XIAP: variants seen among roughly 807,000 people sequenced by gnomAD.
XIAP encodes X-linked inhibitor of apoptosis, also known as E3 ubiquitin-protein ligase XIAP.
XIAP carries 3 observed loss-of-function variants against 33.1 expected under a neutral mutation model. The ratio of observed to expected loss-of-function variants is 0.09; its 90% CI spans 0.04 to 0.23. The LOEUF (loss-of-function observed/expected upper bound fraction) is 0.23, where lower values mean the gene tolerates loss of function less well. Ranked by LOEUF, XIAP falls within the 10% of genes least tolerant of loss-of-function variation. The pLI, the probability that XIAP is intolerant of heterozygous loss-of-function variation, is 1.00. For missense variants in XIAP, 264 were observed against 363.0 expected, an observed-to-expected ratio of 0.73 and a Z score of 2.22; for synonymous variants, 98 against 121.3, an observed-to-expected ratio of 0.81 and a Z score of 1.26.
chrX:123,906,659 C>G (rs1434202550), intron 6 of XIAP, among the ~76,000 whole-genome samples: 1 of 112,199 alleles, frequency 8.9e-6, no homozygotes, highest in Non-Finnish European at 1.9e-5. Flanking sequence ...CCCTCCTCCC[C>G]CGATCCAGCC....
chrX:123,883,285 T>C (rs2053320580), intron 1 of XIAP, among the ~76,000 whole-genome samples: 2 of 110,434 alleles, frequency 1.8e-5, no homozygotes, highest in African/African-American at 3.3e-5. Flanking sequence ...GGTTTCACCA[T>C]GTTGGTCAGG....
chrX:123,872,410 G>A (rs1410373971), intron 1 of XIAP, among the ~76,000 whole-genome samples: 2 of 108,506 alleles, frequency 1.8e-5, no homozygotes, highest in Non-Finnish European at 1.9e-5. Context: ...TAAGTTGGCC[G>A]GGTGTGGTGG....
chrX:123,859,759 C>T (rs1191704479), upstream of XIAP: 2 of 104,779 alleles, frequency 1.9e-5, no homozygotes, highest in East Asian at 4.8e-4. Context: ...CGGTTCCAGC[C>T]GGGCGGGGGG....
rs2053552223 is a variant in XIAP, at chrX:123,905,801, A to G, written c.1301-1187A>G. 4.4e-5 allele frequency among the ~76,000 whole-genome samples: 5 copies of G among 112,445 alleles called. No individual in the cohort carries two copies. The Admixed American group carries it at 4.8e-4, about 11-fold the overall frequency. Reference sequence around the variant, plus strand: ...ATAGTTAAATAGGGAAATGCCTTGTACATTTCTAAGAGGGAACATAGACTA... The same window carrying G: ...ATAGTTAAATAGGGAAATGCCTTGTGCATTTCTAAGAGGGAACATAGACTA... On this transcript the variant is annotated intron_variant, in intron 6 of 6. Transcript: ENST00000371199.
intron 4 of XIAP, 146 bp downstream of exon 4, chrX:123,891,462 T>C (rs1344229207): frequency 3.4e-6 from 1 of 297,246 alleles, no homozygotes; most frequent in East Asian, 5.6e-5. Flanking sequence ...AATATATGTG[T>C]ACATTACATC....
At chrX:123,872,792 T>G (rs1396572186) in intron 1 of XIAP, 1 of 111,648 alleles carries the variant, frequency 9.0e-6, no homozygotes, top group African/African-American at 3.3e-5. Context: ...CAAAAGGCAT[T>G]TGTTTCTGGC....
intron 1 of XIAP, among the ~76,000 whole-genome samples, chrX:123,879,931 A>G (rs900639664): frequency 3.0e-4 from 32 of 106,218 alleles, no homozygotes; most frequent in African/African-American, 9.9e-4. Context: ...TGGCTAACAC[A>G]GTGAAACCCC....
At chrX:123,891,862 G>A (rs1226384149) in intron 4 of XIAP, among the ~76,000 whole-genome samples, 1 of 105,608 alleles carries the variant, frequency 9.5e-6, no homozygotes, top group East Asian at 3.0e-4. Flanking sequence ...CCTAAAAAGT[G>A]TTTCTTATTC....
At chrX:123,903,377 G>A (rs1012278167) in intron 6 of XIAP, among the ~76,000 whole-genome samples, 21 of 108,153 alleles carry the variant, frequency 1.9e-4, no homozygotes, top group African/African-American at 5.7e-4. Context: ...TAGTAGAGAC[G>A]GGGTTTCTCC....
At chrX:123,859,758 C>T, upstream of XIAP, 1 of 153,046 alleles carries the variant, frequency 6.5e-6, no homozygotes, top group Non-Finnish European at 1.1e-5. Context: ...TCGGTTCCAG[C>T]CGGGCGGGGG....
intron 1 of XIAP, among the ~76,000 whole-genome samples, chrX:123,875,018 G>A (rs1173777507): frequency 4.5e-5 from 4 of 88,261 alleles, no homozygotes; most frequent in Non-Finnish European, 8.8e-5. Context: ...GGCTGATCAG[G>A]GATTTATTTT....
intron 1 of XIAP, among the ~76,000 whole-genome samples, chrX:123,866,391 A>G (rs1418767441): frequency 9.6e-6 from 1 of 103,742 alleles, no homozygotes; most frequent in African/African-American, 3.5e-5. Flanking sequence ...TTTAAGTTAT[A>G]AAAGAAATAT....
At chrX:123,876,237 A>G (rs1456622239) in intron 1 of XIAP, among the ~76,000 whole-genome samples, 1 of 108,663 alleles carries the variant, frequency 9.2e-6, no homozygotes, top group Admixed American at 1.0e-4. Context: ...TTTTTTTTCC[A>G]ACTACTTTAG....
intron 5 of XIAP, among the ~76,000 whole-genome samples, chrX:123,893,698 G>A (rs745659745): frequency 9.0e-6 from 1 of 111,277 alleles, no homozygotes; most frequent in African/African-American, 3.3e-5. Context: ...AAAATTAGCC[G>A]GGCGTGATGG....
chrX:123,885,375 C>T (rs1196847441), intron 1 of XIAP, among the ~76,000 whole-genome samples: 4 of 111,709 alleles, frequency 3.6e-5, no homozygotes, highest in African/African-American at 1.3e-4. Flanking sequence ...GTAAAATAAG[C>T]ATTTAAAAAT....
Position 123,913,726 on chromosome X carries a change from A to G in XIAP, c.*6545A>G, listed in dbSNP as rs758374913. On this transcript the variant is annotated 3_prime_UTR_variant, in exon 7 of 7. Coordinates refer to ENST00000371199, the MANE Select transcript of XIAP (RefSeq NM_001167.4). ...TTATGTTAGATTTTGCATTTTTTTC[A>G]TTACTGTTATATTTTAACCTGACTG... 3.1e-6 allele frequency: 1 copy of G among 320,683 alleles called. No individual in the cohort carries two copies. Among genetic ancestry groups the G allele is most frequent in the East Asian group, 9.8e-5 (1 of 10,200 alleles). 26.4% of individuals were successfully genotyped at this position (320,683 alleles called of 1,213,427 possible).
rs911261667 is a variant in XIAP, at chrX:123,888,004, TAATA to T, written c.878-583_878-580del. 3.8e-3 allele frequency among the ~76,000 whole-genome samples: 254 copies of T among 66,518 alleles called. 1 individual carries two copies. The Middle Eastern group carries it at 0.043, about 11-fold the overall frequency. The allele number at this position is 66,518 out of a possible 115,157, so 57.8% of individuals were successfully genotyped here. ...CATCTCAGAAAAAAATAATAATAAT[TAATA>T]AATAAATAAATAAATAAATAAATAA... On this transcript the variant is annotated intron_variant, in intron 2 of 6. Coordinates refer to ENST00000371199, the MANE Select transcript of XIAP (RefSeq NM_001167.4).
intron 1 of XIAP, among the ~76,000 whole-genome samples, chrX:123,862,058 GT>G (rs751553580): frequency 1.5e-4 from 16 of 109,216 alleles, no homozygotes; most frequent in South Asian, 7.7e-4. Context: ...TTAGCATGGT[GT>G]TTTTTTTTAT....
rs1402603329 is a variant in XIAP at position 123,877,834 on chromosome X, C to T, written c.-32-7797C>T. Among the ~76,000 whole-genome samples, 4 of 110,549 alleles carry T rather than the reference C, an allele frequency of 3.6e-5. No individual in the cohort carries two copies. In the South Asian group the frequency reaches 1.2e-3, roughly 32 times the overall value. Reference sequence around the variant, plus strand: ...TAAAAATACAAAAAAATTAGCCGGGCGTGGTGGCGGGCGCCTGTAGTCCCA... The same window carrying T: ...TAAAAATACAAAAAAATTAGCCGGGTGTGGTGGCGGGCGCCTGTAGTCCCA... On this transcript the variant is annotated intron_variant, in intron 1 of 6. Coordinates refer to ENST00000371199, the MANE Select transcript of XIAP (RefSeq NM_001167.4).
Sources: gnomAD v4.1 joint callset for allele counts (sites outside exome capture counted in the v4.1 genomes callset) on GRCh38, gnomAD v4.1.1 for gene constraint, MANE v1.5 for transcripts, NCBI Gene and HGNC (gene_info 2026-07-23, HGNC 2026-07-21) for gene names.